GRIN2B: variants seen among roughly 807,000 people sequenced by gnomAD.
The protein encoded by GRIN2B is glutamate ionotropic receptor NMDA type subunit 2B.
In GRIN2B, 5 loss-of-function variants were observed where a neutral mutation model predicts 114.5. The observed-to-expected ratio is 0.04, with a 90% CI of 0.02 to 0.09. GRIN2B has a LOEUF of 0.09. GRIN2B is among the 10% of genes least tolerant of loss of function. The probability of loss-of-function intolerance (pLI) is 1.00; values close to 1 mark genes in which losing one functional copy is unlikely to be tolerated. For missense variants in GRIN2B, 1,108 were observed against 1,943.5 expected, an observed-to-expected ratio of 0.57 and a Z score of 8.08; for synonymous variants, 787 against 745.1, an observed-to-expected ratio of 1.06 and a Z score of -0.92.
chr12:13,723,059 T>G (rs981444406), intron 4 of GRIN2B, among the ~76,000 whole-genome samples: 2 of 152,076 alleles, frequency 1.3e-5, no homozygotes, highest in Non-Finnish European at 2.9e-5. Context: ...GTGAAGGAAC[T>G]GCTGGAGACG....
Position 13,785,117 on chromosome 12 carries a change from G to T in GRIN2B, c.412-31202C>A, listed in dbSNP as rs1056676895. On this transcript the variant is annotated intron_variant, in intron 3 of 13. Coordinates refer to ENST00000609686, the MANE Select transcript of GRIN2B (RefSeq NM_000834.5). ...TTCAATTCAAAAGAAAAAGCCAAAGGAATCCTTATCATTAATTCAATTATA... is the reference window on the plus strand; with the variant it reads ...TTCAATTCAAAAGAAAAAGCCAAAGTAATCCTTATCATTAATTCAATTATA... Among the ~76,000 whole-genome samples the T allele has an allele frequency of 2.8e-4, 43 of 152,294 alleles. 1 individual carries two copies. The highest frequency in any genetic ancestry group is 8.9e-4 in the African/African-American group (37 of 41,558).
rs117369015 is a variant in GRIN2B, at chr12:13,589,682, T to A, written c.2011-17718A>T. ...TGTATCCCTCATTTAGAGAACATCA[T>A]TACATTCTACTTGCAACTAACAGAT... is the stretch of plus-strand genomic sequence containing the variant. On this transcript the variant is annotated intron_variant, in intron 10 of 13. Coordinates refer to ENST00000609686, the MANE Select transcript of GRIN2B (RefSeq NM_000834.5). Among the ~76,000 whole-genome samples the A allele has an allele frequency of 6.3e-3, 966 of 152,334 alleles. 3 individuals carry two copies. Among genetic ancestry groups the A allele is most frequent in the Middle Eastern group, 0.02 (6 of 294 alleles).
chr12:13,871,548 A>C (rs1865907265), intron 2 of GRIN2B, among the ~76,000 whole-genome samples: 1 of 151,968 alleles, frequency 6.6e-6, no homozygotes, highest in Non-Finnish European at 1.5e-5. Flanking sequence ...CATTTATAAG[A>C]AACCAAGAAA....
intron 8 of GRIN2B, among the ~76,000 whole-genome samples, chr12:13,612,107 A>G (rs1349033043): frequency 6.6e-6 from 1 of 152,210 alleles, no homozygotes; most frequent in African/African-American, 2.4e-5. Context: ...TTCTGCCATT[A>G]TTGGACCAAT....
At chr12:13,752,893 T>C (rs938302544) in intron 4 of GRIN2B, among the ~76,000 whole-genome samples, 9 of 152,220 alleles carry the variant, frequency 5.9e-5, no homozygotes, top group African/African-American at 1.4e-4. Context: ...GTCTCCTGCA[T>C]CTTTCTTTGC....
intron 4 of GRIN2B, among the ~76,000 whole-genome samples, chr12:13,691,409 GTC>G (rs1366226802): frequency 6.6e-6 from 1 of 152,200 alleles, no homozygotes; most frequent in Non-Finnish European, 1.5e-5. Flanking sequence ...TTATGAATAA[GTC>G]TCTCTGAACC....
rs1948455854 is a variant in GRIN2B, at chr12:13,554,567, A to T, written c.*8216T>A. ...ACACATAGTCAAGTAACAAGAAATT[A>T]TTGCTGGCAGACTACGGCAAGTGAA... On this transcript the variant is annotated 3_prime_UTR_variant, in exon 14 of 14. Coordinates refer to ENST00000609686, the MANE Select transcript of GRIN2B (RefSeq NM_000834.5). 6.6e-6 allele frequency: 1 copy of T among 152,182 alleles called. No homozygotes were observed. The highest frequency in any genetic ancestry group is 1.5e-5 in the Non-Finnish European group (1 of 68,040). The allele number at this position is 152,182 out of a possible 1,614,324, so 9.4% of individuals were successfully genotyped here.
At chr12:13,844,712 G>A (rs1009232131) in intron 3 of GRIN2B, among the ~76,000 whole-genome samples, 2 of 152,130 alleles carry the variant, frequency 1.3e-5, no homozygotes, top group African/African-American at 4.8e-5. Context: ...AGAGACTTAT[G>A]GTGATGATGG....
intron 4 of GRIN2B, among the ~76,000 whole-genome samples, chr12:13,721,871 G>A (rs1328645348): frequency 6.6e-6 from 1 of 152,074 alleles, no homozygotes; most frequent in Non-Finnish European, 1.5e-5. Context: ...TTTAGTGGTG[G>A]GTAGAAAAGA....
rs574527937 is a variant in GRIN2B at position 13,695,119 on chromosome 12, G to A, written c.1011-19260C>T. 1.6e-3 allele frequency among the ~76,000 whole-genome samples: 248 copies of A among 152,264 alleles called. 1 individual carries two copies. The highest frequency in any genetic ancestry group is 5.6e-3 in the African/African-American group (231 of 41,570). On this transcript the variant is annotated intron_variant, in intron 4 of 13. Coordinates refer to ENST00000609686, the MANE Select transcript of GRIN2B (RefSeq NM_000834.5). Reference sequence around the variant, plus strand: ...TGTCCCACTCAATTCACCAAAGAGAGAAAACTGATGTGAAAGAAGTCTTTG... The same window carrying A: ...TGTCCCACTCAATTCACCAAAGAGAAAAAACTGATGTGAAAGAAGTCTTTG...
chr12:13,606,342 G>A (rs534036677), intron 10 of GRIN2B, among the ~76,000 whole-genome samples: 20 of 152,286 alleles, frequency 1.3e-4, no homozygotes, highest in Middle Eastern at 6.8e-3. Flanking sequence ...CAGCATGTGC[G>A]GAGATCGTAT....
chr12:13,804,687 C>T (rs1441854714), intron 3 of GRIN2B, among the ~76,000 whole-genome samples: 2 of 152,058 alleles, frequency 1.3e-5, no homozygotes, highest in Non-Finnish European at 2.9e-5. Flanking sequence ...CAGTTCCTGC[C>T]GTGTTTCTCA....
chr12:13,846,146 T>C (rs1026232924), intron 3 of GRIN2B, among the ~76,000 whole-genome samples: 1 of 152,204 alleles, frequency 6.6e-6, no homozygotes, highest in Non-Finnish European at 1.5e-5. Context: ...GTCAAACAGC[T>C]ATATGGATTA....
Position 13,779,007 on chromosome 12 carries a change from C to T in GRIN2B, c.412-25092G>A, listed in dbSNP as rs571051174. On this transcript the variant is annotated intron_variant, in intron 3 of 13. Coordinates refer to ENST00000609686, the MANE Select transcript of GRIN2B (RefSeq NM_000834.5). ...CCCATAACCAGCTTCCTTTCCTTAACGCGACCCAACCCCTGCTCTGTAACT... is the reference window on the plus strand; with the variant it reads ...CCCATAACCAGCTTCCTTTCCTTAATGCGACCCAACCCCTGCTCTGTAACT... 5.3e-5 allele frequency among the ~76,000 whole-genome samples: 8 copies of T among 152,220 alleles called. No individual in the cohort carries two copies. In the East Asian group the frequency reaches 7.7e-4, roughly 15 times the overall value.
intron 6 of GRIN2B, 26 bp downstream of exon 6, chr12:13,616,429 C>G: frequency 6.3e-7 from 1 of 1,578,938 alleles, no homozygotes; most frequent in Non-Finnish European, 8.7e-7. Flanking sequence ...CCCATGCCAC[C>G]CAAAGTCATT....
Position 13,546,123 on chromosome 12 carries a change from A to C in GRIN2B, c.*16660T>G, listed in dbSNP as rs1467887526. On this transcript the variant is annotated 3_prime_UTR_variant, in exon 14 of 14. Transcript: ENST00000609686. Reference sequence around the variant, plus strand: ...GTGATCCAAAATCATTCCAATATTGAAAAAAAAAGGTTCAGCTAACTCCAT... The same window carrying C: ...GTGATCCAAAATCATTCCAATATTGCAAAAAAAAGGTTCAGCTAACTCCAT... 2 of 150,718 alleles carry C rather than the reference A, an allele frequency of 1.3e-5. No homozygotes were observed. The highest frequency in any genetic ancestry group is 3.9e-4 in the East Asian group (2 of 5,184). The allele number at this position is 150,718 out of a possible 1,614,324, so 9.3% of individuals were successfully genotyped here. A position where few individuals can be genotyped will look rare whatever the true frequency, so the allele number is the denominator to read the frequency against.
chr12:13,840,589 TGTTA>T (rs1865360854), intron 3 of GRIN2B, among the ~76,000 whole-genome samples: 1 of 152,212 alleles, frequency 6.6e-6, no homozygotes, highest in Non-Finnish European at 1.5e-5. Context: ...TAATGTCATA[TGTTA>T]ATTAATATAA....
intron 3 of GRIN2B, among the ~76,000 whole-genome samples, chr12:13,807,381 A>G (rs1269137883): frequency 6.6e-6 from 1 of 152,122 alleles, no homozygotes; most frequent in Non-Finnish European, 1.5e-5. Context: ...AAAAATTCCC[A>G]TGACTTTGTG....
Position 13,547,981 on chromosome 12 carries a change from A to ATATTTTTT in GRIN2B, c.*14801_*14802insAAAAAATA. 7 of 68,596 alleles carry ATATTTTTT rather than the reference A, an allele frequency of 1.0e-4. No individual in the cohort carries two copies. The highest frequency in any genetic ancestry group is 2.8e-4 in the African/African-American group (6 of 21,782). 4.2% of individuals were successfully genotyped at this position (68,596 alleles called of 1,614,324 possible). ...TGTGTATATATATATATATATATATATTTTTTTTTTTTTTCTGAAAGCTAC... is the reference window on the plus strand; with the variant it reads ...TGTGTATATATATATATATATATATATATTTTTTTTTTTTTTTTTTTTCTGAAAGCTAC... On this transcript the variant is annotated 3_prime_UTR_variant, in exon 14 of 14. Coordinates refer to ENST00000609686, the MANE Select transcript of GRIN2B (RefSeq NM_000834.5).
Sources: allele counts gnomAD v4.1 joint callset (sites outside exome capture counted in the v4.1 genomes callset), GRCh38; gene constraint gnomAD v4.1.1; transcripts MANE v1.5; gene names NCBI Gene and HGNC (gene_info 2026-07-23, HGNC 2026-07-21).